SPOCK3: variants seen among roughly 807,000 people sequenced by gnomAD.
SPOCK3 encodes the protein testican-3.
SPOCK3 carries 30 observed loss-of-function variants against 56.6 expected under a neutral mutation model. That is an observed-to-expected ratio of 0.53 (90% CI 0.40 to 0.72). The LOEUF (loss-of-function observed/expected upper bound fraction) is 0.72, where lower values mean the gene tolerates loss of function less well. Among genes scored for constraint, SPOCK3 ranks in the 30% least tolerant of loss-of-function variants. The pLI is 0.00. For synonymous variants in SPOCK3, 196 were observed against 183.3 expected, an observed-to-expected ratio of 1.07 and a Z score of -0.56; for missense variants, 527 against 530.0, an observed-to-expected ratio of 0.99 and a Z score of 0.06.
At chr4:166,913,565 T>C (rs1356507273) in intron 4 of SPOCK3, among the ~76,000 whole-genome samples, 1 of 152,208 alleles carries the variant, frequency 6.6e-6, no homozygotes, top group Non-Finnish European at 1.5e-5. Flanking sequence ...ATTTGATGCC[T>C]ATGTCAGGAT....
intron 2 of SPOCK3, among the ~76,000 whole-genome samples, chr4:167,158,876 T>C (rs933165849): frequency 5.3e-5 from 8 of 151,962 alleles, no homozygotes; most frequent in African/African-American, 1.7e-4. Context: ...TTATTGTCTG[T>C]TTTTTCCATG....
intron 2 of SPOCK3, among the ~76,000 whole-genome samples, chr4:167,233,482 G>A (rs1207760616): frequency 6.6e-6 from 1 of 152,170 alleles, no homozygotes. Context: ...CGTTCAACGA[G>A]TCCTTACTGG....
intron 6 of SPOCK3, among the ~76,000 whole-genome samples, chr4:166,860,993 C>T (rs1731194724): frequency 6.6e-6 from 1 of 151,410 alleles, no homozygotes. Context: ...TGGGAAGAGC[C>T]TTAACTGTCA....
At chr4:167,057,922 C>T (rs909149480) in intron 3 of SPOCK3, among the ~76,000 whole-genome samples, 2 of 152,160 alleles carry the variant, frequency 1.3e-5, no homozygotes, top group African/African-American at 2.4e-5. Context: ...AAACTCAGCT[C>T]TGCACCAAGA....
chr4:166,763,957 A>G (rs1182589097), intron 7 of SPOCK3, among the ~76,000 whole-genome samples: 1 of 152,128 alleles, frequency 6.6e-6, no homozygotes. Context: ...TCTTGGGGCC[A>G]TAGCAAAGAA....
At chr4:166,936,560 T>C (rs1003767043) in intron 4 of SPOCK3, among the ~76,000 whole-genome samples, 3 of 152,062 alleles carry the variant, frequency 2.0e-5, no homozygotes, top group Non-Finnish European at 4.4e-5. Flanking sequence ...TCTCTAGTTA[T>C]CCAGTGGCAC....
chr4:167,033,203 A>G (rs1307276332), intron 3 of SPOCK3, among the ~76,000 whole-genome samples: 1 of 151,688 alleles, frequency 6.6e-6, no homozygotes, highest in Non-Finnish European at 1.5e-5. Flanking sequence ...TTTAAACTAA[A>G]AGGAATTCTT....
chr4:166,819,580 C>T (rs2126755369), intron 6 of SPOCK3, among the ~76,000 whole-genome samples: 1 of 152,028 alleles, frequency 6.6e-6, no homozygotes, highest in African/African-American at 2.4e-5. Context: ...ATATTCCTAA[C>T]AATGGACAAT....
chr4:167,112,071 T>C (rs1378613700), intron 2 of SPOCK3, among the ~76,000 whole-genome samples: 1 of 152,156 alleles, frequency 6.6e-6, no homozygotes, highest in Non-Finnish European at 1.5e-5. Flanking sequence ...CGAAGTAACT[T>C]TTAAGAAGCT....
chr4:167,103,661 A>G (rs1561217571), intron 2 of SPOCK3, among the ~76,000 whole-genome samples: 1 of 152,170 alleles, frequency 6.6e-6, no homozygotes, highest in Non-Finnish European at 1.5e-5. Context: ...GGCCTGGGGA[A>G]ACTCACTGCT....
intron 4 of SPOCK3, among the ~76,000 whole-genome samples, chr4:166,992,164 G>A (rs138584733): frequency 4.7e-4 from 72 of 152,192 alleles, no homozygotes; most frequent in African/African-American, 1.7e-3. Context: ...AAGTGTGTTT[G>A]TGTAAATGTG....
chr4:167,212,246 T>C (rs962348391), intron 2 of SPOCK3, among the ~76,000 whole-genome samples: 2 of 152,170 alleles, frequency 1.3e-5, no homozygotes, highest in African/African-American at 4.8e-5. Flanking sequence ...GATTTACTTT[T>C]TTTTTTTTGA....
rs2111047296 is a variant in SPOCK3, at chr4:167,213,651, T to C, written c.189+20334A>G. ...TTAAATATAATGGAGGAAATAGAAA[T>C]CTCTTTTTCCTCCATGATCAATTTC... is the stretch of plus-strand genomic sequence containing the variant. On this transcript the variant is annotated intron_variant, in intron 2 of 10. Coordinates refer to ENST00000357545, the MANE Select transcript of SPOCK3 (RefSeq NM_001040159.2). Among the ~76,000 whole-genome samples the C allele has an allele frequency of 2.6e-5, 4 of 152,230 alleles. No homozygotes were observed. In the South Asian group the frequency reaches 8.3e-4, roughly 31 times the overall value.
chr4:166,899,820 T>C (rs1367001681), intron 5 of SPOCK3, among the ~76,000 whole-genome samples: 2 of 152,160 alleles, frequency 1.3e-5, no homozygotes, highest in African/African-American at 4.8e-5. Flanking sequence ...CAGCCCCTGT[T>C]TACTATATTT....
chr4:167,046,562 T>C (rs1251635099), intron 3 of SPOCK3, among the ~76,000 whole-genome samples: 1 of 147,214 alleles, frequency 6.8e-6, no homozygotes, highest in African/African-American at 2.5e-5. Context: ...TTCAAGTGAC[T>C]CTCCTGCCTC....
At chr4:167,106,109 T>A (rs1034783753) in intron 2 of SPOCK3, among the ~76,000 whole-genome samples, 2 of 151,972 alleles carry the variant, frequency 1.3e-5, no homozygotes, top group African/African-American at 4.8e-5. Context: ...AGACTTAATC[T>A]GCATTATATA....
rs147015731 is a variant in SPOCK3, at chr4:166,847,647, T to TTATATATA, written c.589+41475_589+41482dup. ...CACAATTCAAAAGGAAAATCCTAGT[T>TTATATATA]TATATATATATATATATATATATAT... On this transcript the variant is annotated intron_variant, in intron 6 of 10. Transcript: ENST00000357545. Among the ~76,000 whole-genome samples the TTATATATA allele has an allele frequency of 9.3e-3, 514 of 55,306 alleles. 12 individuals are homozygous for TTATATATA. The highest frequency in any genetic ancestry group is 0.013 in the South Asian group (12 of 932). 36.3% of individuals were successfully genotyped at this position (55,306 alleles called of 152,430 possible).
At chr4:167,011,781 A>C (rs1223272565) in intron 3 of SPOCK3, among the ~76,000 whole-genome samples, 2 of 152,104 alleles carry the variant, frequency 1.3e-5, no homozygotes, top group African/African-American at 4.8e-5. Flanking sequence ...TCTCTTTTGG[A>C]GACCATTAAC....
chr4:167,231,184 T>C (rs982570942), intron 2 of SPOCK3, among the ~76,000 whole-genome samples: 7 of 152,048 alleles, frequency 4.6e-5, no homozygotes, highest in African/African-American at 1.7e-4. Flanking sequence ...AATTAAAATA[T>C]AATGCTAAAT....
Sources: allele counts gnomAD v4.1 joint callset (sites outside exome capture counted in the v4.1 genomes callset), GRCh38; gene constraint gnomAD v4.1.1; transcripts MANE v1.5; gene names NCBI Gene and HGNC (gene_info 2026-07-23, HGNC 2026-07-21).